Variants in SLC23A2 observed in about 807,000 individuals in gnomAD.
SLC23A2 encodes the protein Na(+)/L-ascorbic acid transporter 2.
In SLC23A2, 36 loss-of-function variants were observed where a neutral mutation model predicts 73.3. That is an observed-to-expected ratio of 0.49 (90% CI 0.38 to 0.65). The LOEUF (loss-of-function observed/expected upper bound fraction) is 0.65, where lower values mean the gene tolerates loss of function less well. SLC23A2 is among the 30% of genes least tolerant of loss of function. The pLI, the probability that SLC23A2 is intolerant of heterozygous loss-of-function variation, is 0.00. For synonymous variants in SLC23A2, 343 were observed against 327.3 expected, an observed-to-expected ratio of 1.05 and a Z score of -0.52; for missense variants, 507 against 841.6, an observed-to-expected ratio of 0.60 and a Z score of 4.92.
intron 4 of SLC23A2, among the ~76,000 whole-genome samples, chr20:4,912,588 C>T (rs925907764): frequency 6.6e-6 from 1 of 151,340 alleles, no homozygotes; most frequent in Non-Finnish European, 1.5e-5. Flanking sequence ...AACCACTTCC[C>T]TCTGCCATCT....
At chr20:4,918,321 G>A (rs764097239) in intron 3 of SLC23A2, among the ~76,000 whole-genome samples, 1 of 152,066 alleles carries the variant, frequency 6.6e-6, no homozygotes, top group African/African-American at 2.4e-5. Flanking sequence ...AACTAAACTC[G>A]TGGCCTTAAG....
chr20:4,926,523 T>C (rs1473883541), intron 3 of SLC23A2, among the ~76,000 whole-genome samples: 1 of 151,294 alleles, frequency 6.6e-6, no homozygotes, highest in East Asian at 1.9e-4. Flanking sequence ...TTTTTTTTTT[T>C]TTTTTTTTCC....
At position 4,867,898 on chromosome 20, in the gene SLC23A2, A is replaced by G. The variant is rs759476310; in HGVS notation, c.1251-23T>C. 12 of 1,333,614 alleles carry G rather than the reference A, an allele frequency of 9.0e-6. No homozygotes were observed. In the East Asian group the frequency reaches 2.8e-4, roughly 31 times the overall value. The allele number at this position is 1,333,614 out of a possible 1,614,324, so 82.6% of individuals were successfully genotyped here. On this transcript the variant is annotated intron_variant, in intron 12 of 16. Transcript: ENST00000338244. ...CCCCTAAGATGTAAAGGAATGGAGG[A>G]AAGAAAATCATTCAATGGGATAATG...
At position 4,856,750 on chromosome 20, in the gene SLC23A2, A is replaced by G; in HGVS notation, c.*222T>C. ...TTAGTGACCATGGCCAGCAATGGAC[A>G]CTCTCAAAGGGCAAGGAGTTAAGGG... On this transcript the variant is annotated 3_prime_UTR_variant, in exon 17 of 17. Coordinates refer to ENST00000338244, the MANE Select transcript of SLC23A2 (RefSeq NM_005116.6). This position sits in a 1 kb window ranked among gnomAD's most constrained non-coding sequence, Gnocchi z 4.6. 1 of 510,480 alleles carries G rather than the reference A, an allele frequency of 2.0e-6. No individual in the cohort carries two copies. Among genetic ancestry groups the G allele is most frequent in the South Asian group, 2.8e-5 (1 of 36,190 alleles). The allele number at this position is 510,480 out of a possible 1,614,324, so 31.6% of individuals were successfully genotyped here. A position where few individuals can be genotyped will look rare whatever the true frequency, so the allele number is the denominator to read the frequency against.
At chr20:5,009,155 C>T (rs922031798) in intron 1 of SLC23A2, among the ~76,000 whole-genome samples, 4 of 152,152 alleles carry the variant, frequency 2.6e-5, no homozygotes, top group African/African-American at 9.7e-5. Flanking sequence ...AATCTCTCTT[C>T]TTTTGACTTT....
chr20:4,913,014 T>A, intron 3 of SLC23A2, 36 bp from the exon 4 acceptor site: 1 of 1,396,102 alleles, frequency 7.2e-7, no homozygotes, highest in Non-Finnish European at 1.0e-6. Context: ...TGTTTCAGCG[T>A]GAACCACATT....
intron 1 of SLC23A2, among the ~76,000 whole-genome samples, chr20:4,996,149 C>G (rs1226685118): frequency 6.6e-6 from 1 of 152,178 alleles, no homozygotes; most frequent in Non-Finnish European, 1.5e-5. Context: ...ATCACTGTTT[C>G]CTTGGCCCTA....
intron 13 of SLC23A2, among the ~76,000 whole-genome samples, chr20:4,865,755 C>G (rs1426550860): frequency 1.3e-5 from 2 of 152,172 alleles, no homozygotes; most frequent in Non-Finnish European, 2.9e-5. Context: ...ACGCTTAACT[C>G]CCTGATATAA....
At chr20:4,879,408 C>CAAAAAAAAAAAAAAAAAA (rs111565515) in intron 9 of SLC23A2, among the ~76,000 whole-genome samples, 7 of 43,004 alleles carry the variant, frequency 1.6e-4, no homozygotes, top group Non-Finnish European at 2.6e-4. Context: ...AACTCTGTCT[C>CAAAAAAAAAAAAAAAAAA]AAAAAAAAAA....
chr20:4,928,243 G>T (rs1036718273), intron 3 of SLC23A2, among the ~76,000 whole-genome samples: 1 of 152,092 alleles, frequency 6.6e-6, no homozygotes, highest in Non-Finnish European at 1.5e-5. Flanking sequence ...GTCTCGCTAT[G>T]TTGCCATGGC....
intron 1 of SLC23A2, among the ~76,000 whole-genome samples, chr20:4,980,302 T>C (rs940229579): frequency 1.5e-4 from 23 of 152,108 alleles, no homozygotes; most frequent in African/African-American, 4.8e-4. Context: ...CACCACTGTA[T>C]TATGTCCACC....
intron 6 of SLC23A2, among the ~76,000 whole-genome samples, chr20:4,896,856 C>G (rs936137117): frequency 2.3e-4 from 35 of 152,234 alleles, no homozygotes; most frequent in African/African-American, 8.4e-4. Flanking sequence ...AAGTCCCAAG[C>G]TCTGGCCTCT....
chr20:4,906,972 G>A (rs1017091892), intron 4 of SLC23A2, among the ~76,000 whole-genome samples: 4 of 152,222 alleles, frequency 2.6e-5, no homozygotes, highest in African/African-American at 9.6e-5. Flanking sequence ...AAAGTGCTAT[G>A]CTTGGAAGCA....
At chr20:4,867,293 G>T (rs1322960515) in intron 13 of SLC23A2, among the ~76,000 whole-genome samples, 1 of 152,008 alleles carries the variant, frequency 6.6e-6, no homozygotes, top group African/African-American at 2.4e-5. Context: ...CTCTCCCCCA[G>T]GTTATTTGCA....
intron 2 of SLC23A2, among the ~76,000 whole-genome samples, chr20:4,954,559 G>A (rs6052983): frequency 4.1e-4 from 62 of 152,022 alleles, no homozygotes; most frequent in African/African-American, 1.4e-3. Context: ...TTAGCCACGC[G>A]TGGTGGCGGG....
At chr20:4,946,418 C>T (rs1345835963) in intron 2 of SLC23A2, among the ~76,000 whole-genome samples, 4 of 152,152 alleles carry the variant, frequency 2.6e-5, no homozygotes, top group Non-Finnish European at 4.4e-5. Context: ...AGAGAGGATG[C>T]GATGCCACTG....
chr20:4,871,971 T>C (rs923592655), intron 11 of SLC23A2, among the ~76,000 whole-genome samples: 3 of 152,208 alleles, frequency 2.0e-5, no homozygotes, highest in African/African-American at 7.2e-5. Flanking sequence ...TCCTTTTTCC[T>C]TCAGATATAT....
chr20:4,931,676 G>A (rs969128133), intron 3 of SLC23A2, among the ~76,000 whole-genome samples: 2 of 152,160 alleles, frequency 1.3e-5, no homozygotes, highest in Admixed American at 6.5e-5. Context: ...GACTGAGATG[G>A]GAAGATAGTT....
chr20:5,004,244 T>G (rs1429987744), upstream of SLC23A2, among the ~76,000 whole-genome samples: 2 of 152,228 alleles, frequency 1.3e-5, no homozygotes, highest in African/African-American at 2.4e-5. Context: ...TAAACTGGTT[T>G]CTTATCTGAG....
Sources: allele counts gnomAD v4.1 joint callset (sites outside exome capture counted in the v4.1 genomes callset), GRCh38; gene constraint gnomAD v4.1.1; non-coding constraint Gnocchi (gnomAD v3.1); transcripts MANE v1.5; gene names NCBI Gene and HGNC (gene_info 2026-07-23, HGNC 2026-07-21).